Variants in PTK2B observed in about 807,000 individuals in gnomAD.
PTK2B encodes protein-tyrosine kinase 2-beta.
Under a neutral mutation model 142.9 loss-of-function variants are expected in PTK2B, and 71 were observed. That is an observed-to-expected ratio of 0.50 (90% CI 0.41 to 0.61). The LOEUF (loss-of-function observed/expected upper bound fraction) is 0.61, where lower values mean the gene tolerates loss of function less well. PTK2B is among the 20% of genes least tolerant of loss of function. PTK2B has a pLI of 0.00. For synonymous variants in PTK2B, 519 were observed against 503.4 expected (o/e 1.03, Z -0.42); for missense variants, 1,105 against 1,320.4 (o/e 0.84, Z 2.53).
At position 27,431,035 on chromosome 8, in the gene PTK2B, GATCCTCTCCCTGACCTGGATTCC is replaced by G; in HGVS notation, c.810+21_810+43del. ...ACTCATTGTAATGGCGGGCTCTCTT[GATCCTCTCCCTGACCTGGATTCC>G]AGGCCTCTCGGAAAAGGGGGCCAGG... is the stretch of plus-strand genomic sequence containing the variant. On this transcript the variant is annotated intron_variant, in intron 8 of 30. Coordinates refer to ENST00000346049, the MANE Select transcript of PTK2B (RefSeq NM_173176.3). The G allele has an allele frequency of 6.2e-7, 1 of 1,605,352 alleles. No individual in the cohort carries two copies. The highest frequency in any genetic ancestry group is 8.5e-7 in the Non-Finnish European group (1 of 1,174,444).
intron 1 of PTK2B, among the ~76,000 whole-genome samples, chr8:27,343,726 G>A (rs922151728): frequency 1.1e-4 from 17 of 152,282 alleles, no homozygotes; most frequent in African/African-American, 3.1e-4. Context: ...TTCGCCAGGC[G>A]TGCTGGCTCA....
At chr8:27,414,082 TG>T (rs1249157353) in intron 2 of PTK2B, among the ~76,000 whole-genome samples, 4 of 152,228 alleles carry the variant, frequency 2.6e-5, no homozygotes, top group African/African-American at 9.6e-5. Flanking sequence ...CTCAACACTT[TG>T]TTTTTATATG....
chr8:27,353,530 C>T (rs574513233), intron 1 of PTK2B, among the ~76,000 whole-genome samples: 6 of 151,360 alleles, frequency 4.0e-5, no homozygotes, highest in Admixed American at 1.3e-4. Flanking sequence ...GCTCCTAACT[C>T]ATTCACTCAT....
chr8:27,424,557 T>C (rs1039471779), intron 5 of PTK2B, among the ~76,000 whole-genome samples: 32 of 152,380 alleles, frequency 2.1e-4, no homozygotes, highest in Non-Finnish European at 3.7e-4. Context: ...GGGTGTATGA[T>C]ATCAGGGAGA....
At chr8:27,317,712 G>C (rs1308681271) in intron 3 of PTK2B, among the ~76,000 whole-genome samples, 1 of 152,184 alleles carries the variant, frequency 6.6e-6, no homozygotes, top group Non-Finnish European at 1.5e-5. Flanking sequence ...AGGGACATTT[G>C]TTCTCCCATT....
At chr8:27,437,074 C>A in intron 15 of PTK2B, 48 bp from the exon 16 acceptor site, 1 of 1,566,842 alleles carries the variant, frequency 6.4e-7, no homozygotes, top group Non-Finnish European at 8.8e-7. Flanking sequence ...GAACATTCTG[C>A]TGAGCACTGG....
intron 1 of PTK2B, among the ~76,000 whole-genome samples, chr8:27,343,996 C>T (rs1455028687): frequency 6.6e-6 from 1 of 151,856 alleles, no homozygotes; most frequent in African/African-American, 2.4e-5. Context: ...GAGCGAGAAT[C>T]CGTCTCAAAA....
At chr8:27,317,114 C>T (rs1021336207) in intron 3 of PTK2B, among the ~76,000 whole-genome samples, 1 of 152,138 alleles carries the variant, frequency 6.6e-6, no homozygotes, top group African/African-American at 2.4e-5. Flanking sequence ...GAACCAATGT[C>T]CAGAAATGAA....
chr8:27,378,963 C>T (rs940081237), intron 1 of PTK2B, among the ~76,000 whole-genome samples: 3 of 152,106 alleles, frequency 2.0e-5, no homozygotes, highest in Non-Finnish European at 4.4e-5. Context: ...GCCCCGGCAC[C>T]GTTATGCCAA....
At chr8:27,432,927 A>G (rs1810531216) in intron 10 of PTK2B, among the ~76,000 whole-genome samples, 1 of 152,044 alleles carries the variant, frequency 6.6e-6, no homozygotes, top group Non-Finnish European at 1.5e-5. Context: ...CCACAGTTCA[A>G]GAGATTCTCC....
At chr8:27,349,536 G>A (rs544653413) in intron 1 of PTK2B, among the ~76,000 whole-genome samples, 19 of 152,298 alleles carry the variant, frequency 1.2e-4, no homozygotes, top group African/African-American at 2.2e-4. Context: ...GCAGGAATGC[G>A]GGGCAGGGGG....
chr8:27,419,811 A>G, intron 2 of PTK2B, 84 bp from the exon 3 acceptor site: 1 of 1,447,250 alleles, frequency 6.9e-7, no homozygotes, highest in South Asian at 1.2e-5. Context: ...ACCCTAGAGA[A>G]TCCCACTTTT....
chr8:27,348,194 G>A (rs760362318), intron 1 of PTK2B, among the ~76,000 whole-genome samples: 5 of 152,232 alleles, frequency 3.3e-5, no homozygotes, highest in African/African-American at 4.8e-5. Flanking sequence ...CTGGATGCCT[G>A]AAGTCTGTCC....
At position 27,346,863 on chromosome 8, in the gene PTK2B, C is replaced by T. The variant is rs572608745; in HGVS notation, c.-38+21182C>T. Among the ~76,000 whole-genome samples the T allele has an allele frequency of 9.2e-5, 14 of 152,356 alleles. 1 individual carries two copies. In the South Asian group the frequency reaches 1.9e-3, roughly 20 times the overall value. Reference sequence around the variant, plus strand: ...ACTGAGCCAAACTGTCTGAAGCTCACGCTCCTTTGGTGCTGAACTGCACTT... The same window carrying T: ...ACTGAGCCAAACTGTCTGAAGCTCATGCTCCTTTGGTGCTGAACTGCACTT... On this transcript the variant is annotated intron_variant, in intron 1 of 30. Transcript: ENST00000346049.
At chr8:27,384,882 G>T (rs576810913) in intron 1 of PTK2B, among the ~76,000 whole-genome samples, 1 of 152,098 alleles carries the variant, frequency 6.6e-6, no homozygotes, top group Non-Finnish European at 1.5e-5. Context: ...TAACAGCAAC[G>T]TTTTACCATT....
intron 1 of PTK2B, among the ~76,000 whole-genome samples, chr8:27,394,416 T>C (rs185770768): frequency 6.6e-6 from 1 of 152,346 alleles, no homozygotes; most frequent in East Asian, 1.9e-4. Flanking sequence ...TAGGTATTTG[T>C]GTATCTAAAC....
intron 1 of PTK2B, among the ~76,000 whole-genome samples, chr8:27,332,936 A>G (rs919268187): frequency 6.6e-6 from 1 of 152,210 alleles, no homozygotes; most frequent in Non-Finnish European, 1.5e-5. Flanking sequence ...AGGGGAGGCA[A>G]TACATGAAGA....
intron 1 of PTK2B, among the ~76,000 whole-genome samples, chr8:27,345,375 T>C (rs1745944591): frequency 6.6e-6 from 1 of 152,232 alleles, no homozygotes; most frequent in South Asian, 2.1e-4. Context: ...TACCATCTCC[T>C]CTTCATCTTT....
At chr8:27,420,953 C>A (rs1723897848) in intron 4 of PTK2B, among the ~76,000 whole-genome samples, 1 of 152,172 alleles carries the variant, frequency 6.6e-6, no homozygotes, top group Non-Finnish European at 1.5e-5. Context: ...CTAAACTGCC[C>A]CATGTGCTCC....
Sources: allele counts gnomAD v4.1 joint callset (sites outside exome capture counted in the v4.1 genomes callset), GRCh38; gene constraint gnomAD v4.1.1; transcripts MANE v1.5; gene names NCBI Gene and HGNC (gene_info 2026-07-23, HGNC 2026-07-21).